Variants in APBA2 observed in about 807,000 individuals in gnomAD.
APBA2 encodes the protein amyloid beta precursor protein binding family A member 2.
APBA2 carries 30 observed loss-of-function variants against 75.0 expected under a neutral mutation model. The observed-to-expected ratio is 0.40, with a 90% CI of 0.30 to 0.54. APBA2 has a LOEUF of 0.54. APBA2 is among the 20% of genes least tolerant of loss of function. The pLI is 0.49. For synonymous variants in APBA2, 444 were observed against 409.6 expected (o/e 1.08, Z -1.01); for missense variants, 801 against 1,016.1 (o/e 0.79, Z 2.88).
At chr15:29,081,975 G>A (rs543856622) in intron 6 of APBA2, among the ~76,000 whole-genome samples, 2 of 152,252 alleles carry the variant, frequency 1.3e-5, no homozygotes, top group Non-Finnish European at 2.9e-5. Flanking sequence ...AGGGGGGACA[G>A]CGTACGCTGC....
At chr15:28,961,697 ATTG>A (rs1379236264) in intron 2 of APBA2, 3 of 152,210 alleles carry the variant, frequency 2.0e-5, no homozygotes, top group African/African-American at 7.2e-5. Context: ...AGGTGAGGGC[ATTG>A]AAGGGAACTG....
chr15:28,897,833 T>C (rs954276839), intron 1 of APBA2, among the ~76,000 whole-genome samples: 3 of 152,180 alleles, frequency 2.0e-5, no homozygotes, highest in Non-Finnish European at 4.4e-5. Flanking sequence ...ATATGGGCAT[T>C]AGTGACCTTC....
rs139912606 is a variant in APBA2, at chr15:29,005,499, C to T, written c.-41+9693C>T. On this transcript the variant is annotated intron_variant, in intron 3 of 14. Coordinates refer to ENST00000683413, the MANE Select transcript of APBA2 (RefSeq NM_001353788.2). Reference sequence around the variant, plus strand: ...CTGGTCTTAAACTCCTGAGCTCGGGCAGTCCTCCCTCCTTGGCCTCCGAAA... The same window carrying T: ...CTGGTCTTAAACTCCTGAGCTCGGGTAGTCCTCCCTCCTTGGCCTCCGAAA... Among the ~76,000 whole-genome samples, 454 of 152,152 alleles carry T rather than the reference C, an allele frequency of 3.0e-3. 1 individual carries two copies. Among genetic ancestry groups the T allele is most frequent in the African/African-American group, 0.01 (434 of 41,514 alleles).
intron 2 of APBA2, among the ~76,000 whole-genome samples, chr15:28,976,123 C>G (rs2037323392): frequency 6.6e-6 from 1 of 152,172 alleles, no homozygotes. Flanking sequence ...TAAATTGATT[C>G]CCAGGTATGA....
chr15:28,959,409 TG>T (rs1415711024), intron 2 of APBA2, among the ~76,000 whole-genome samples: 2 of 152,210 alleles, frequency 1.3e-5, no homozygotes, highest in Non-Finnish European at 2.9e-5. Flanking sequence ...TGAGTTAAAA[TG>T]ATATCATCAA....
chr15:28,986,223 C>T (rs1314896268), intron 2 of APBA2, among the ~76,000 whole-genome samples: 1 of 152,204 alleles, frequency 6.6e-6, no homozygotes, highest in Admixed American at 6.5e-5. Context: ...TGTGCCCACT[C>T]TGCGTCCTTG....
intron 2 of APBA2, among the ~76,000 whole-genome samples, chr15:28,987,957 A>G (rs915915645): frequency 6.6e-6 from 1 of 151,756 alleles, no homozygotes; most frequent in Non-Finnish European, 1.5e-5. Context: ...GGGTTTCACT[A>G]TGTTGGCCAG....
intron 6 of APBA2, among the ~76,000 whole-genome samples, chr15:29,087,151 A>G (rs2152941115): frequency 1.3e-5 from 2 of 152,316 alleles, no homozygotes; most frequent in South Asian, 2.1e-4. Context: ...GTGTGGATAG[A>G]TGTCTCCTGT....
chr15:28,975,575 C>A (rs1280820099), intron 2 of APBA2, among the ~76,000 whole-genome samples: 1 of 151,962 alleles, frequency 6.6e-6, no homozygotes, highest in Non-Finnish European at 1.5e-5. Flanking sequence ...TTTAAAATAA[C>A]CTGTGGGTAG....
chr15:28,987,729 G>GAT (rs146348050), intron 2 of APBA2, among the ~76,000 whole-genome samples: 3,765 of 106,180 alleles, frequency 0.035, 116 homozygotes, highest in Middle Eastern at 0.087. Context: ...TGTGGAGAGA[G>GAT]ATATATATAT....
At position 28,895,075 on chromosome 15, in the gene APBA2, C is replaced by A. The variant is rs144982659; in HGVS notation, c.-205+8797C>A. Among the ~76,000 whole-genome samples the A allele has an allele frequency of 2.0e-5, 3 of 152,336 alleles. No homozygotes were observed. The East Asian group carries it at 5.8e-4, about 29-fold the overall frequency. On this transcript the variant is annotated intron_variant, in intron 1 of 14. Coordinates refer to ENST00000683413, the MANE Select transcript of APBA2 (RefSeq NM_001353788.2). ...GAGATTTACAGGATTTCTAGATTAA[C>A]TTGCCCCTGTTTTTCTAAAAGAACG...
chr15:29,094,823 A>T (rs1007002384), intron 8 of APBA2, among the ~76,000 whole-genome samples: 1 of 149,744 alleles, frequency 6.7e-6, no homozygotes, highest in African/African-American at 2.5e-5. Flanking sequence ...ACTTTGGGAG[A>T]CAGAGGCAGG....
chr15:29,059,010 A>G (rs1325265480), intron 4 of APBA2, among the ~76,000 whole-genome samples: 1 of 152,234 alleles, frequency 6.6e-6, no homozygotes, highest in Non-Finnish European at 1.5e-5. Flanking sequence ...TTAACTTGCT[A>G]AAATTGATTT....
At chr15:28,960,650 A>C (rs1242404282) in intron 2 of APBA2, among the ~76,000 whole-genome samples, 3 of 152,080 alleles carry the variant, frequency 2.0e-5, no homozygotes, top group African/African-American at 4.8e-5. Context: ...GGTTTGTGGA[A>C]TAAATGGATG....
At chr15:29,114,194 C>A (rs1439376487) in intron 14 of APBA2, among the ~76,000 whole-genome samples, 178 bp downstream of exon 14, 1 of 152,202 alleles carries the variant, frequency 6.6e-6, no homozygotes, top group African/African-American at 2.4e-5. Context: ...GGAGCCATCC[C>A]GGTCTGGCTC....
intron 4 of APBA2, among the ~76,000 whole-genome samples, chr15:29,061,245 G>A (rs1030858035): frequency 2.0e-5 from 3 of 152,160 alleles, no homozygotes; most frequent in Non-Finnish European, 4.4e-5. Context: ...ACCTTGTGAC[G>A]TCTATCAGGA....
At chr15:29,038,658 T>C (rs983356142) in intron 3 of APBA2, among the ~76,000 whole-genome samples, 2 of 148,440 alleles carry the variant, frequency 1.3e-5, no homozygotes, top group Admixed American at 6.8e-5. Context: ...CTGTCCTATA[T>C]GCAGGCATTT....
chr15:29,015,324 A>C (rs1221368037), intron 3 of APBA2, among the ~76,000 whole-genome samples: 1 of 152,142 alleles, frequency 6.6e-6, no homozygotes, highest in Non-Finnish European at 1.5e-5. Context: ...GGGGTCCTTC[A>C]TTTATTTCTT....
At chr15:28,969,750 G>C (rs928149517) in intron 2 of APBA2, among the ~76,000 whole-genome samples, 1 of 152,192 alleles carries the variant, frequency 6.6e-6, no homozygotes, top group Non-Finnish European at 1.5e-5. Context: ...GAGGATTGAA[G>C]GGGCCAAAAG....
Sources: gnomAD v4.1 joint callset for allele counts (sites outside exome capture counted in the v4.1 genomes callset) on GRCh38, gnomAD v4.1.1 for gene constraint, MANE v1.5 for transcripts, NCBI Gene and HGNC (gene_info 2026-07-23, HGNC 2026-07-21) for gene names.